Variants in ARHGEF4 observed in about 807,000 individuals in gnomAD.
ARHGEF4 encodes Rho guanine nucleotide exchange factor 4, also known as APC-stimulated guanine nucleotide exchange factor 1.
ARHGEF4 carries 119 observed loss-of-function variants against 162.0 expected under a neutral mutation model. The observed-to-expected ratio is 0.73, with a 90% CI of 0.63 to 0.86. The LOEUF (loss-of-function observed/expected upper bound fraction) is 0.86. ARHGEF4 is among the 40% of genes least tolerant of loss of function. ARHGEF4 has a pLI of 0.00. For synonymous variants in ARHGEF4, 1,014 were observed against 979.9 expected, an observed-to-expected ratio of 1.03 and a Z score of -0.65; for missense variants, 2,488 against 2,456.0, an observed-to-expected ratio of 1.01 and a Z score of -0.28.
chr2:130,926,048 C>CTTTCTTTCTTTCTTTCTCTGTCTTTCTT, intron 2 of ARHGEF4, among the ~76,000 whole-genome samples: 1 of 53,412 alleles, frequency 1.9e-5, no homozygotes, highest in Non-Finnish European at 3.8e-5. Context: ...TTCTTTCTTT[C>CTTTCTTTCTTTCTTTCTCTGTCTTTCTT]TCTTTCTTTC....
chr2:130,893,843 G>A (rs1680002842), intron 1 of ARHGEF4, among the ~76,000 whole-genome samples: 1 of 152,218 alleles, frequency 6.6e-6, no homozygotes, highest in South Asian at 2.1e-4. Flanking sequence ...AACTTAGCAG[G>A]CGAGAAGAGC....
Position 130,916,305 on chromosome 2 carries a change from G to A in ARHGEF4, c.2359G>A (p.Glu787Lys). The A allele has an allele frequency of 1.3e-6, 2 of 1,541,198 alleles. No individual in the cohort carries two copies. Among genetic ancestry groups the A allele is most frequent in the East Asian group, 5.0e-5 (2 of 40,236 alleles). The change falls in exon 2 of 14, where the codon GAG (glutamate) becomes AAG (lysine). Residue 787 changes from glutamate (E) to lysine (K), a missense_variant. Transcript: ENST00000409359. Reference protein sequence around the residue: ...PPRGLRKGAQEPGKRPTFSKV... With the variant: ...PPRGLRKGAQKPGKRPTFSKV... ...ACGCGGGCTCCGCAAGGGCGCGCAG[G>A]AGCCTGGGAAGCGCCCGACGTTTTC...
chr2:131,039,388 C>T, intron 6 of ARHGEF4: 1 of 1,070,288 alleles, frequency 9.3e-7, no homozygotes, highest in Non-Finnish European at 1.1e-6. Context: ...GAGTGGGAAC[C>T]ATGACTTACA....
chr2:130,876,613 C>T lies in ARHGEF4; in HGVS notation c.40-37373C>T, dbSNP rs1574141363. Among the ~76,000 whole-genome samples the T allele has an allele frequency of 1.3e-5, 2 of 152,186 alleles. 1 individual carries two copies. Among genetic ancestry groups the T allele is most frequent in the African/African-American group, 4.8e-5 (2 of 41,516 alleles). ...TTCACCATGTTAGCCAGGATGGTCT[C>T]GATCTCCTGACCTTGTGATCCGCCC... On this transcript the variant is annotated intron_variant, in intron 1 of 13. Coordinates refer to ENST00000409359, the MANE Select transcript of ARHGEF4 (RefSeq NM_001367493.1).
chr2:130,915,185 G>A lies in ARHGEF4; in HGVS notation c.1239G>A (p.Arg413=), dbSNP rs1036256264. Reference sequence around the variant, plus strand: ...AGCCTGGTGGGTTTCGCTTGCAAAGGGCCTCTCAGGACACTCCTTCTGCAG... The same window carrying A: ...AGCCTGGTGGGTTTCGCTTGCAAAGAGCCTCTCAGGACACTCCTTCTGCAG... ...PCKPGGFRLQ[R]ASQDTPSAGL... The change falls in exon 2 of 14, where the codon AGG becomes AGA. Residue 413 remains arginine, a synonymous_variant. Transcript: ENST00000409359. 6.8e-5 allele frequency: 105 copies of A among 1,550,438 alleles called. No homozygotes were observed. Among genetic ancestry groups the A allele is most frequent in the Middle Eastern group, 1.7e-4 (1 of 6,016 alleles).
At chr2:130,954,294 A>G (rs1684134686) in intron 4 of ARHGEF4, among the ~76,000 whole-genome samples, 1 of 152,224 alleles carries the variant, frequency 6.6e-6, no homozygotes, top group Non-Finnish European at 1.5e-5. Context: ...TGAGCAAACT[A>G]TCACAAGAAC....
chr2:131,024,242 A>G (rs1573640540), intron 4 of ARHGEF4, among the ~76,000 whole-genome samples: 1 of 152,210 alleles, frequency 6.6e-6, no homozygotes, highest in African/African-American at 2.4e-5. Context: ...TCATTTCACA[A>G]TAAAACATCT....
intron 1 of ARHGEF4, among the ~76,000 whole-genome samples, chr2:130,849,655 T>C (rs1681258715): frequency 6.6e-6 from 1 of 150,846 alleles, no homozygotes. Context: ...TGCAACCTCC[T>C]CCTCCCAGGT....
chr2:130,968,974 C>T (rs77435414), intron 4 of ARHGEF4, among the ~76,000 whole-genome samples: 6,364 of 152,124 alleles, frequency 0.042, 149 homozygotes, highest in Middle Eastern at 0.071. Context: ...ATACTTGGAG[C>T]TGTGGAGAGG....
chr2:130,862,906 G>T lies in ARHGEF4; in HGVS notation c.39+25914G>T, dbSNP rs536900175. Among the ~76,000 whole-genome samples the T allele has an allele frequency of 9.2e-5, 10 of 108,930 alleles. 1 individual carries two copies. In the East Asian group the frequency reaches 2.5e-3, roughly 27 times the overall value. The allele number at this position is 108,930 out of a possible 152,430, so 71.5% of individuals were successfully genotyped here. On this transcript the variant is annotated intron_variant, in intron 1 of 13. Transcript: ENST00000409359. ...CAAATCAAATTGTGTATCTGATAAA[G>T]AATTTGTATCCAGAATATACATAAA...
chr2:131,001,679 G>A (rs1687779252), intron 4 of ARHGEF4, among the ~76,000 whole-genome samples: 1 of 152,136 alleles, frequency 6.6e-6, no homozygotes, highest in African/African-American at 2.4e-5. Flanking sequence ...TGTATGCATA[G>A]CAGGCAGCTG....
rs895075245 is a variant in ARHGEF4, at chr2:131,046,264, C to T, written c.*75C>T. The T allele has an allele frequency of 9.6e-6, 14 of 1,461,932 alleles. No homozygotes were observed. The highest frequency in any genetic ancestry group is 4.2e-5 in the African/African-American group (3 of 71,722). 90.6% of individuals were successfully genotyped at this position (1,461,932 alleles called of 1,614,324 possible). ...CAGTTTTTCTTCCCCGAGGCCCACT[C>T]GGCCTGGCCTTCCTCTGCCTGCAAG... On this transcript the variant is annotated 3_prime_UTR_variant, in exon 14 of 14. Coordinates refer to ENST00000409359, the MANE Select transcript of ARHGEF4 (RefSeq NM_001367493.1).
At chr2:130,928,279 T>C (rs1334615492) in intron 2 of ARHGEF4, among the ~76,000 whole-genome samples, 2 of 152,210 alleles carry the variant, frequency 1.3e-5, no homozygotes, top group African/African-American at 2.4e-5. Context: ...GGTCAGTTTC[T>C]CCAGAGCGGT....
intron 1 of ARHGEF4, among the ~76,000 whole-genome samples, chr2:130,876,748 C>G (rs1678875230): frequency 6.6e-6 from 1 of 152,098 alleles, no homozygotes; most frequent in South Asian, 2.1e-4. Context: ...GATGAGCAAA[C>G]AAAATCTAAG....
chr2:130,905,113 T>A (rs1036992544), intron 1 of ARHGEF4, among the ~76,000 whole-genome samples: 1 of 152,196 alleles, frequency 6.6e-6, no homozygotes, highest in Non-Finnish European at 1.5e-5. Flanking sequence ...TTATTTATTT[T>A]TTTTTATTTC....
At chr2:130,842,445 T>C (rs557838937) in intron 1 of ARHGEF4, among the ~76,000 whole-genome samples, 1 of 152,278 alleles carries the variant, frequency 6.6e-6, no homozygotes, top group African/African-American at 2.4e-5. Context: ...GTACTTTATG[T>C]AGAGTGGTAG....
chr2:131,005,629 C>T (rs1688070296), intron 4 of ARHGEF4, among the ~76,000 whole-genome samples: 2 of 152,168 alleles, frequency 1.3e-5, no homozygotes, highest in African/African-American at 4.8e-5. Flanking sequence ...AGGGGCTTGG[C>T]CACGTACCCC....
chr2:130,866,938 C>T (rs572133007), intron 1 of ARHGEF4, among the ~76,000 whole-genome samples: 4 of 152,154 alleles, frequency 2.6e-5, no homozygotes, highest in Non-Finnish European at 2.9e-5. Flanking sequence ...TGCAAATAAA[C>T]GGTATCATTT....
chr2:130,923,769 A>T (rs1475774046), intron 2 of ARHGEF4, among the ~76,000 whole-genome samples: 1 of 152,240 alleles, frequency 6.6e-6, no homozygotes, highest in Non-Finnish European at 1.5e-5. Flanking sequence ...AGGAAGCCAT[A>T]GAGCCCTGGA....
Sources: gnomAD v4.1 joint callset for allele counts (sites outside exome capture counted in the v4.1 genomes callset) on GRCh38, gnomAD v4.1.1 for gene constraint, MANE v1.5 for transcripts, NCBI Gene and HGNC (gene_info 2026-07-23, HGNC 2026-07-21) for gene names.